GRIK2: variants seen among roughly 807,000 people sequenced by gnomAD.
GRIK2 encodes the protein glutamate receptor ionotropic, kainate 2.
A neutral mutation model predicts 100.3 loss-of-function variants in GRIK2; 32 were observed. The ratio of observed to expected loss-of-function variants is 0.32; its 90% CI spans 0.24 to 0.43. The LOEUF (loss-of-function observed/expected upper bound fraction) is 0.43. GRIK2 is among the 20% of genes least tolerant of loss of function. The probability of loss-of-function intolerance (pLI) is 1.00; values close to 1 mark genes in which losing one functional copy is unlikely to be tolerated. For synonymous variants in GRIK2, 417 were observed against 389.4 expected (o/e 1.07, Z -0.83); for missense variants, 843 against 1,114.9 (o/e 0.76, Z 3.47).
At chr6:101,808,949 AAT>A (rs1014651504) in intron 9 of GRIK2, among the ~76,000 whole-genome samples, 13 of 151,640 alleles carry the variant, frequency 8.6e-5, no homozygotes, top group African/African-American at 3.1e-4. Context: ...CATTTTATGA[AAT>A]ATATGTTTGT....
chr6:101,598,964 G>A (rs952287449), intron 2 of GRIK2, among the ~76,000 whole-genome samples: 5 of 151,424 alleles, frequency 3.3e-5, no homozygotes, highest in African/African-American at 7.3e-5. Flanking sequence ...GTTTGTATGT[G>A]GCTATATTAT....
chr6:102,041,502 G>C (rs1562132220), intron 15 of GRIK2, among the ~76,000 whole-genome samples: 2 of 151,590 alleles, frequency 1.3e-5, no homozygotes, highest in East Asian at 3.9e-4. Context: ...CAAATGCTTT[G>C]CATTTGCTGA....
intron 2 of GRIK2, among the ~76,000 whole-genome samples, chr6:101,614,564 G>A (rs1779814147): frequency 6.6e-6 from 1 of 151,600 alleles, no homozygotes; most frequent in Non-Finnish European, 1.5e-5. Flanking sequence ...AAAGGCCAAT[G>A]TAACATTGTC....
intron 2 of GRIK2, among the ~76,000 whole-genome samples, chr6:101,513,430 T>G (rs375087847): frequency 1.3e-5 from 2 of 152,136 alleles, no homozygotes; most frequent in Admixed American, 6.6e-5. Flanking sequence ...TTAGGTAATC[T>G]CTTTAGGATT....
At chr6:101,552,974 T>C (rs1246741449) in intron 2 of GRIK2, among the ~76,000 whole-genome samples, 4 of 152,210 alleles carry the variant, frequency 2.6e-5, no homozygotes, top group Non-Finnish European at 5.9e-5. Flanking sequence ...CTTGTAATCA[T>C]ATTGAAAATG....
At chr6:101,466,793 G>T (rs1771672421) in intron 2 of GRIK2, among the ~76,000 whole-genome samples, 1 of 152,106 alleles carries the variant, frequency 6.6e-6, no homozygotes, top group Admixed American at 6.6e-5. Context: ...AAGAGTTTTA[G>T]CAGGAAACTC....
chr6:101,884,163 T>C (rs2128454910), intron 11 of GRIK2, among the ~76,000 whole-genome samples: 1 of 152,262 alleles, frequency 6.6e-6, no homozygotes, highest in East Asian at 1.9e-4. Context: ...TTATGCATTG[T>C]GGAGAGTTTA....
intron 7 of GRIK2, among the ~76,000 whole-genome samples, chr6:101,722,364 C>G (rs1309744776): frequency 6.6e-6 from 1 of 152,008 alleles, no homozygotes; most frequent in African/African-American, 2.4e-5. Flanking sequence ...TTGAATTGTA[C>G]TAATTATGAT....
intron 2 of GRIK2, among the ~76,000 whole-genome samples, chr6:101,617,870 A>G (rs1017645880): frequency 6.6e-6 from 1 of 151,670 alleles, no homozygotes; most frequent in Non-Finnish European, 1.5e-5. Context: ...AAACTACTAA[A>G]TGTGTGTATA....
chr6:101,556,861 A>G (rs959574193), intron 2 of GRIK2, among the ~76,000 whole-genome samples: 2 of 152,218 alleles, frequency 1.3e-5, no homozygotes, highest in African/African-American at 4.8e-5. Flanking sequence ...AGACTTCTTA[A>G]TGGTGATATT....
intron 2 of GRIK2, among the ~76,000 whole-genome samples, chr6:101,617,245 T>A (rs552642741): frequency 3.3e-4 from 50 of 151,738 alleles, no homozygotes; most frequent in Non-Finnish European, 6.5e-4. Context: ...GCACTCAGAT[T>A]AAGAAACAGA....
chr6:101,881,910 A>G (rs2128453642), intron 11 of GRIK2, among the ~76,000 whole-genome samples: 1 of 152,216 alleles, frequency 6.6e-6, no homozygotes, highest in Non-Finnish European at 1.5e-5. Flanking sequence ...CGCTGTTGAT[A>G]AAGACATACC....
chr6:101,754,219 A>C (rs535204198), intron 7 of GRIK2, among the ~76,000 whole-genome samples: 370 of 152,300 alleles, frequency 2.4e-3, no homozygotes, highest in African/African-American at 8.6e-3. Flanking sequence ...AAAAGTATTC[A>C]TATGATGTAA....
intron 14 of GRIK2, among the ~76,000 whole-genome samples, chr6:102,022,756 C>T (rs1769496466): frequency 6.6e-6 from 1 of 151,450 alleles, no homozygotes; most frequent in African/African-American, 2.4e-5. Context: ...GATTCAGTCA[C>T]TTCATTCATT....
intron 7 of GRIK2, among the ~76,000 whole-genome samples, chr6:101,793,903 C>A (rs1780085842): frequency 6.6e-6 from 1 of 152,180 alleles, no homozygotes. Context: ...CCTAAGTGAG[C>A]CTGGGCAATG....
chr6:101,857,149 G>T (rs1161124821), intron 10 of GRIK2, among the ~76,000 whole-genome samples: 1 of 152,020 alleles, frequency 6.6e-6, no homozygotes, highest in Non-Finnish European at 1.5e-5. Flanking sequence ...GCAATGAGGG[G>T]CAGGGAAAAC....
chr6:101,923,105 G>T (rs757909272), intron 12 of GRIK2, among the ~76,000 whole-genome samples: 1 of 152,050 alleles, frequency 6.6e-6, no homozygotes, highest in Non-Finnish European at 1.5e-5. Context: ...AAACAAGGGT[G>T]TTCTAAAATT....
At chr6:101,463,513 T>G (rs1198492070) in intron 2 of GRIK2, among the ~76,000 whole-genome samples, 3 of 152,224 alleles carry the variant, frequency 2.0e-5, no homozygotes, top group Admixed American at 2.0e-4. Context: ...AACACATTGC[T>G]TGTCTTTACA....
intron 2 of GRIK2, among the ~76,000 whole-genome samples, chr6:101,526,090 A>G (rs1204336026): frequency 6.6e-6 from 1 of 152,214 alleles, no homozygotes; most frequent in Non-Finnish European, 1.5e-5. Flanking sequence ...TCCTAGATGT[A>G]TACTGAGACC....
Sources: gnomAD v4.1 joint callset for allele counts (sites outside exome capture counted in the v4.1 genomes callset) on GRCh38, gnomAD v4.1.1 for gene constraint, MANE v1.5 for transcripts, NCBI Gene and HGNC (gene_info 2026-07-23, HGNC 2026-07-21) for gene names.